Variants in CADM4 observed in about 807,000 individuals in gnomAD.
CADM4 encodes TSLC1-like 2.
In CADM4, 13 loss-of-function variants were observed where a neutral mutation model predicts 43.9. The observed-to-expected ratio is 0.30, with a 90% CI of 0.19 to 0.47. CADM4 has a LOEUF of 0.47. CADM4 is among the 20% of genes least tolerant of loss of function. The probability of loss-of-function intolerance (pLI) is 1.00; values close to 1 mark genes in which losing one functional copy is unlikely to be tolerated. For synonymous variants in CADM4, 209 were observed against 220.9 expected, an observed-to-expected ratio of 0.95 and a Z score of 0.48; for missense variants, 420 against 527.0, an observed-to-expected ratio of 0.80 and a Z score of 1.99.
rs1054492139 is a variant in CADM4, at chr19:43,626,261, T to C, written c.527A>G (p.Lys176Arg). 1 of 1,612,392 alleles carries C rather than the reference T, an allele frequency of 6.2e-7. No individual in the cohort carries two copies. Among genetic ancestry groups the C allele is most frequent in the Admixed American group, 1.7e-5 (1 of 60,012 alleles). The change falls in exon 5 of 9, where the codon AAG (lysine) becomes AGG (arginine). Residue 176 changes from lysine to arginine, a missense_variant. Physicochemically the swap from Lys to Arg is conservative, Grantham distance 26. Transcript: ENST00000222374. This position sits in a 1 kb window ranked among gnomAD's most constrained non-coding sequence, Gnocchi z 5.9. ...KGVSSSQENG[K>R]VWSVASTVRF... ...TACTGTGCTTGCCACGCTCCAGACCTTGCCATTTTCCTGGCTGCTGCTCAC... is the reference window on the plus strand; with the variant it reads ...TACTGTGCTTGCCACGCTCCAGACCCTGCCATTTTCCTGGCTGCTGCTCAC...
upstream of CADM4, among the ~76,000 whole-genome samples, chr19:43,641,512 C>G (rs535553594): frequency 9.0e-4 from 137 of 152,230 alleles, no homozygotes; most frequent in African/African-American, 3.2e-3. Flanking sequence ...CCTCTCTGTC[C>G]TTCAGGTCCA....
intron 1 of CADM4, among the ~76,000 whole-genome samples, chr19:43,634,762 A>AATGC (rs779308887): frequency 1.1e-4 from 17 of 150,612 alleles, no homozygotes; most frequent in Admixed American, 1.3e-4. Flanking sequence ...CGGAGCAGGT[A>AATGC]ATGCGTAAGA....
chr19:43,639,708 C>A lies in CADM4; in HGVS notation c.64+19G>T, dbSNP rs1464878894. 3.0e-6 allele frequency: 3 copies of A among 988,644 alleles called. No homozygotes were observed. The highest frequency in any genetic ancestry group is 1.8e-5 in the African/African-American group (1 of 56,654). 61.2% of individuals were successfully genotyped at this position (988,644 alleles called of 1,614,324 possible). A position where few individuals can be genotyped will look rare whatever the true frequency, so the allele number is the denominator to read the frequency against. On this transcript the variant is annotated intron_variant, in intron 1 of 8. Coordinates refer to ENST00000222374, the MANE Select transcript of CADM4 (RefSeq NM_145296.2). ...CCCCCGCCCCAGCCCGGCCGGCCGA[C>A]CCCGGCCCCCGACCCTACCTGGCCC...
At chr19:43,624,285 A>G (rs2240633) in intron 7 of CADM4, 43 bp from the exon 8 acceptor site, 509,116 of 1,612,104 alleles carry the variant, frequency 0.32, 81,378 homozygotes, top group South Asian at 0.36. Context: ...TCAGAGGACG[A>G]TCCCAGTCTG....
At chr19:43,628,352 T>C (rs558453545) in intron 1 of CADM4, among the ~76,000 whole-genome samples, 17 of 151,766 alleles carry the variant, frequency 1.1e-4, no homozygotes, top group African/African-American at 4.1e-4. Flanking sequence ...GGGGAATCGC[T>C]TGAACCCGGG....
chr19:43,623,244 G>A lies in CADM4; in HGVS notation c.*86C>T, dbSNP rs1973467005. 1.0e-6 allele frequency: 1 copy of A among 955,360 alleles called. No individual in the cohort carries two copies. The highest frequency in any genetic ancestry group is 1.7e-6 in the Non-Finnish European group (1 of 591,010). The allele number at this position is 955,360 out of a possible 1,614,324, so 59.2% of individuals were successfully genotyped here. A position where few individuals can be genotyped will look rare whatever the true frequency, so the allele number is the denominator to read the frequency against. ...GGAGAAGCCCACCATCCCAGACTCT[G>A]GTAAATGTCTTTGCTGGTTCCTTGC... On this transcript the variant is annotated 3_prime_UTR_variant, in exon 9 of 9. Coordinates refer to ENST00000222374, the MANE Select transcript of CADM4 (RefSeq NM_145296.2). The surrounding 1 kb of genome is among the most constrained non-coding windows in gnomAD (Gnocchi z 4.4).
chr19:43,624,361 A>G, intron 7 of CADM4, 119 bp from the exon 8 acceptor site: 1 of 1,286,792 alleles, frequency 7.8e-7, no homozygotes, highest in East Asian at 2.5e-5. Context: ...TATGTGCCAC[A>G]CCCCTCAAAA....
At position 43,624,262 on chromosome 19, in the gene CADM4, C is replaced by G; in HGVS notation, c.929-20G>C. On this transcript the variant is annotated intron_variant, in intron 7 of 8. Transcript: ENST00000222374. ...CAGGGTCTGCCAGAGGGACACGGCA[C>G]AGGACCAGGTCATCAGAGGACGATC... 6.2e-7 allele frequency: 1 copy of G among 1,614,096 alleles called. No individual in the cohort carries two copies. Among genetic ancestry groups the G allele is most frequent in the Non-Finnish European group, 8.5e-7 (1 of 1,179,998 alleles).
chr19:43,624,160 G>A lies in CADM4; in HGVS notation c.1011C>T (p.Ile337=). 1 of 1,614,136 alleles carries A rather than the reference G, an allele frequency of 6.2e-7. No homozygotes were observed. The highest frequency in any genetic ancestry group is 8.5e-7 in the Non-Finnish European group (1 of 1,180,030). The change falls in exon 8 of 9, where the codon ATC becomes ATT. Residue 337 remains isoleucine (I), a synonymous_variant. Transcript: ENST00000222374. ...AGACCATGCCCACTAGCACACATAT[G>A]ATCAGAAACACCAGCAGCGCCAGGA... ...GGILALLVFL[I]ICVLVGMVWC...
rs923925779 is a variant in CADM4, at chr19:43,623,270, A to C, written c.*60T>G. ...GTAAATGTCTTTGCTGGTTCCTTGC[A>C]GCTGGCAGTGGGGGGGACCCCAGCC... On this transcript the variant is annotated 3_prime_UTR_variant, in exon 9 of 9. Coordinates refer to ENST00000222374, the MANE Select transcript of CADM4 (RefSeq NM_145296.2). The surrounding 1 kb of genome is among the most constrained non-coding windows in gnomAD (Gnocchi z 4.4). The C allele has an allele frequency of 1.6e-5, 19 of 1,213,196 alleles. No individual in the cohort carries two copies. The highest frequency in any genetic ancestry group is 2.3e-5 in the Non-Finnish European group (19 of 819,856). 75.2% of individuals were successfully genotyped at this position (1,213,196 alleles called of 1,614,324 possible).
At chr19:43,639,470 G>C (rs1973743642) in intron 1 of CADM4, among the ~76,000 whole-genome samples, 1 of 150,770 alleles carries the variant, frequency 6.6e-6, no homozygotes, top group Non-Finnish European at 1.5e-5. Context: ...TGTGTGTAGG[G>C]GGGTCTCGGG....
Position 43,624,098 on chromosome 19 carries a change from G to T in CADM4, c.1057+16C>A, listed in dbSNP as rs1381265100. The T allele has an allele frequency of 6.2e-7, 1 of 1,613,976 alleles. No homozygotes were observed. The highest frequency in any genetic ancestry group is 1.6e-4 in the Middle Eastern group (1 of 6,062). On this transcript the variant is annotated intron_variant, in intron 8 of 8. Transcript: ENST00000222374. The stretch of plus-strand genomic sequence containing the variant: ...ACAACCAACCAACCGTAGAGTCCAG[G>T]CCCCGTCCCACTCACCCTTCTGCCG...
In CADM4 at chr19:43,626,672, A is replaced by T; in HGVS notation, c.499+112T>A. 1.5e-6 allele frequency: 2 copies of T among 1,363,974 alleles called. No homozygotes were observed. Among genetic ancestry groups the T allele is most frequent in the Non-Finnish European group, 2.0e-6 (2 of 1,014,882 alleles). 84.5% of individuals were successfully genotyped at this position (1,363,974 alleles called of 1,614,324 possible). ...GCCACCGCGCTCGACATCAACCACTACATATTGAATGTCCAGTGTCTGTGA... is the reference window on the plus strand; with the variant it reads ...GCCACCGCGCTCGACATCAACCACTTCATATTGAATGTCCAGTGTCTGTGA... On this transcript the variant is annotated intron_variant, in intron 4 of 8. Coordinates refer to ENST00000222374, the MANE Select transcript of CADM4 (RefSeq NM_145296.2). This position sits in a 1 kb window ranked among gnomAD's most constrained non-coding sequence, Gnocchi z 5.9.
At chr19:43,629,813 AG>A (rs1973589742) in intron 1 of CADM4, among the ~76,000 whole-genome samples, 1 of 152,058 alleles carries the variant, frequency 6.6e-6, no homozygotes, top group African/African-American at 2.4e-5. Context: ...GACAGAGTTT[AG>A]CCATATTGGC....
chr19:43,630,513 T>C (rs1359808943), intron 1 of CADM4, among the ~76,000 whole-genome samples: 3 of 149,924 alleles, frequency 2.0e-5, no homozygotes, highest in Non-Finnish European at 4.4e-5. Flanking sequence ...CTGGAACTCC[T>C]GACCTCGTGA....
chr19:43,627,007 G>C lies in CADM4; in HGVS notation c.365-89C>G. 1 of 1,484,892 alleles carries C rather than the reference G, an allele frequency of 6.7e-7. No individual in the cohort carries two copies. The highest frequency in any genetic ancestry group is 1.4e-5 in the South Asian group (1 of 73,812). 92.0% of individuals were successfully genotyped at this position (1,484,892 alleles called of 1,614,324 possible). On this transcript the variant is annotated intron_variant, in intron 3 of 8. Transcript: ENST00000222374. The surrounding 1 kb of genome is among the most constrained non-coding windows in gnomAD (Gnocchi z 4.0). ...AGCTGCCTGTTCCCAGCGACCATAG[G>C]GAACCAGGGTCCCAGGTGGCAGGGG... is the stretch of plus-strand genomic sequence containing the variant.
chr19:43,638,076 A>G (rs1249087439), intron 1 of CADM4, among the ~76,000 whole-genome samples: 3 of 152,208 alleles, frequency 2.0e-5, no homozygotes, highest in Non-Finnish European at 4.4e-5. Context: ...AAATTGTGGC[A>G]TGTCTGTTGT....
At chr19:43,640,448 G>A (rs1229114696), upstream of CADM4, among the ~76,000 whole-genome samples, 3 of 151,826 alleles carry the variant, frequency 2.0e-5, no homozygotes, top group African/African-American at 7.3e-5. Context: ...GTCGAGGCAG[G>A]TCAAGGATCT....
At chr19:43,639,142 C>T (rs1973738467) in intron 1 of CADM4, among the ~76,000 whole-genome samples, 1 of 150,398 alleles carries the variant, frequency 6.6e-6, no homozygotes, top group African/African-American at 2.5e-5. Flanking sequence ...AGACAGGGAC[C>T]AAGAATAGGG....
Sources: gnomAD v4.1 joint callset for allele counts (sites outside exome capture counted in the v4.1 genomes callset) on GRCh38, gnomAD v4.1.1 for gene constraint, Gnocchi (gnomAD v3.1) non-coding constraint, MANE v1.5 for transcripts, NCBI Gene and HGNC (gene_info 2026-07-23, HGNC 2026-07-21) for gene names.